The following SLC25A21 variants were observed in gnomAD, a reference collection of about 807,000 sequenced individuals.
SLC25A21 encodes the protein solute carrier family 25 member 21.
A neutral mutation model predicts 43.8 loss-of-function variants in SLC25A21; 47 were observed. The observed-to-expected ratio is 1.07, with a 90% CI of 0.85 to 1.37. The LOEUF (loss-of-function observed/expected upper bound fraction) is 1.37. Among genes scored for constraint, SLC25A21 ranks in the 40% most tolerant of loss-of-function variants. The pLI is 0.00. For synonymous variants in SLC25A21, 131 were observed against 121.3 expected (o/e 1.08, Z -0.52); for missense variants, 352 against 350.2 (o/e 1.00, Z -0.04).
intron 2 of SLC25A21, among the ~76,000 whole-genome samples, chr14:36,826,712 CAG>C (rs1888844943): frequency 6.6e-6 from 1 of 152,194 alleles, no homozygotes; most frequent in African/African-American, 2.4e-5. Flanking sequence ...ATTTCCATGT[CAG>C]AGAGTTGAGG....
intron 1 of SLC25A21, among the ~76,000 whole-genome samples, chr14:37,101,680 CAATAT>C (rs1962819650): frequency 6.6e-6 from 1 of 151,994 alleles, no homozygotes; most frequent in African/African-American, 2.4e-5. Flanking sequence ...AGTGAAATTA[CAATAT>C]AATAACTTTT....
At chr14:36,683,940 A>G in intron 8 of SLC25A21, 60 bp from the exon 9 acceptor site, 2 of 1,301,062 alleles carry the variant, frequency 1.5e-6, no homozygotes, top group Middle Eastern at 1.9e-4. Flanking sequence ...GTTGTACCTT[A>G]GCTTTATTGA....
chr14:36,880,125 T>C (rs1195660054), intron 1 of SLC25A21, among the ~76,000 whole-genome samples: 2 of 152,150 alleles, frequency 1.3e-5, no homozygotes, highest in Non-Finnish European at 2.9e-5. Flanking sequence ...AGCATCACAA[T>C]GTGACTAAGT....
chr14:36,854,923 G>C (rs1258339397), intron 2 of SLC25A21, among the ~76,000 whole-genome samples: 1 of 136,256 alleles, frequency 7.3e-6, no homozygotes, highest in African/African-American at 2.9e-5. Context: ...TTCTTTTCTG[G>C]GGCATGAGGT....
intron 7 of SLC25A21, among the ~76,000 whole-genome samples, chr14:36,693,991 C>T (rs931872558): frequency 2.0e-5 from 3 of 152,100 alleles, no homozygotes; most frequent in Admixed American, 6.5e-5. Flanking sequence ...TATACATGTG[C>T]CATGTTGGTT....
intron 2 of SLC25A21, among the ~76,000 whole-genome samples, chr14:36,857,275 A>G (rs1029028287): frequency 3.3e-5 from 5 of 152,182 alleles, no homozygotes; most frequent in Non-Finnish European, 7.4e-5. Flanking sequence ...CTCACTTCCT[A>G]AACACCAAGG....
chr14:36,805,793 T>A (rs1888017631), intron 3 of SLC25A21, among the ~76,000 whole-genome samples: 1 of 152,192 alleles, frequency 6.6e-6, no homozygotes, highest in African/African-American at 2.4e-5. Context: ...AGATTACATA[T>A]ACTTGATGAC....
At chr14:36,762,380 G>A (rs1055679652) in intron 3 of SLC25A21, among the ~76,000 whole-genome samples, 12 of 152,170 alleles carry the variant, frequency 7.9e-5, no homozygotes, top group African/African-American at 2.7e-4. Flanking sequence ...AGGCAGCTCC[G>A]GGTCACAGTG....
intron 2 of SLC25A21, among the ~76,000 whole-genome samples, chr14:36,823,750 C>G (rs1888719016): frequency 6.6e-6 from 1 of 152,098 alleles, no homozygotes. Context: ...TTTGACGCCC[C>G]AACCCAAAAA....
chr14:37,130,824 A>G (rs1963380377), intron 1 of SLC25A21, among the ~76,000 whole-genome samples: 1 of 152,226 alleles, frequency 6.6e-6, no homozygotes, highest in Non-Finnish European at 1.5e-5. Flanking sequence ...TACAATGTGG[A>G]TGTGAATTCT....
chr14:36,998,267 G>A (rs1016711940), intron 1 of SLC25A21, among the ~76,000 whole-genome samples: 2 of 152,238 alleles, frequency 1.3e-5, no homozygotes, highest in African/African-American at 4.8e-5. Flanking sequence ...ACACTTATTT[G>A]ATCAGAGAAC....
At chr14:36,898,539 T>C (rs1178380273) in intron 1 of SLC25A21, among the ~76,000 whole-genome samples, 1 of 152,166 alleles carries the variant, frequency 6.6e-6, no homozygotes, top group Non-Finnish European at 1.5e-5. Context: ...GCACCCACTG[T>C]CCTGCACCCA....
intron 3 of SLC25A21, among the ~76,000 whole-genome samples, chr14:36,740,128 C>T (rs1343295366): frequency 6.6e-6 from 1 of 152,122 alleles, no homozygotes; most frequent in Non-Finnish European, 1.5e-5. Context: ...GAACAAAGAG[C>T]CTTAAATCGA....
At chr14:37,105,637 G>C (rs970699291) in intron 1 of SLC25A21, among the ~76,000 whole-genome samples, 1 of 152,146 alleles carries the variant, frequency 6.6e-6, no homozygotes, top group Admixed American at 6.5e-5. Flanking sequence ...GGTGAAAGCA[G>C]ATATCCTGAG....
chr14:36,711,062 T>C (rs1474701873), intron 7 of SLC25A21, among the ~76,000 whole-genome samples: 1 of 152,170 alleles, frequency 6.6e-6, no homozygotes, highest in Admixed American at 6.5e-5. Flanking sequence ...AGAAGATAAA[T>C]TTTGGTGTCA....
At chr14:37,024,385 C>T (rs1247887161) in intron 1 of SLC25A21, among the ~76,000 whole-genome samples, 1 of 151,980 alleles carries the variant, frequency 6.6e-6, no homozygotes, top group Non-Finnish European at 1.5e-5. Context: ...GTTGATGGTT[C>T]TATGAAAGCC....
At chr14:36,813,753 T>C (rs183911857) in intron 3 of SLC25A21, among the ~76,000 whole-genome samples, 165 bp downstream of exon 3, 134 of 152,296 alleles carry the variant, frequency 8.8e-4, no homozygotes, top group African/African-American at 3.1e-3. Flanking sequence ...TTCCATTATA[T>C]ATATATCCAG....
chr14:36,948,642 C>T (rs1452682959), intron 1 of SLC25A21, among the ~76,000 whole-genome samples: 2 of 152,032 alleles, frequency 1.3e-5, no homozygotes, highest in Non-Finnish European at 2.9e-5. Context: ...TTCTCTATGT[C>T]TAAAGTTATG....
chr14:37,041,577 T>C (rs1961473519), intron 1 of SLC25A21, among the ~76,000 whole-genome samples: 1 of 152,192 alleles, frequency 6.6e-6, no homozygotes, highest in Non-Finnish European at 1.5e-5. Context: ...CTATTTCTGT[T>C]GAGTAAGAGC....
Sources: allele counts gnomAD v4.1 joint callset (sites outside exome capture counted in the v4.1 genomes callset), GRCh38; gene constraint gnomAD v4.1.1; transcripts MANE v1.5; gene names NCBI Gene and HGNC (gene_info 2026-07-23, HGNC 2026-07-21).